Variants in FRY observed in about 807,000 individuals in gnomAD.
FRY encodes FRY microtubule binding protein, also known as protein furry homolog.
Under a neutral mutation model 348.4 loss-of-function variants are expected in FRY, and 128 were observed. The observed-to-expected ratio is 0.37, with a 90% CI of 0.32 to 0.43. The LOEUF is 0.43. Among genes scored for constraint, FRY ranks in the 20% least tolerant of loss-of-function variants. The pLI is 1.00. For synonymous variants in FRY, 1,370 were observed against 1,374.7 expected (o/e 1.00, Z 0.08); for missense variants, 2,736 against 3,695.2 (o/e 0.74, Z 6.73).
chr13:32,153,089 A>G (rs993185096), intron 14 of FRY, among the ~76,000 whole-genome samples: 1 of 152,192 alleles, frequency 6.6e-6, no homozygotes, highest in Admixed American at 6.5e-5. Flanking sequence ...AGAACCTCAT[A>G]CTATTCTAGT....
chr13:32,211,504 G>A (rs1359058605), intron 34 of FRY, among the ~76,000 whole-genome samples: 1 of 152,120 alleles, frequency 6.6e-6, no homozygotes, highest in Non-Finnish European at 1.5e-5. Context: ...TAGGGTTAAT[G>A]AAATGATCTT....
intron 1 of FRY, among the ~76,000 whole-genome samples, chr13:32,051,573 A>T (rs563120978): frequency 6.4e-4 from 98 of 152,362 alleles, no homozygotes; most frequent in African/African-American, 2.3e-3. Flanking sequence ...ATTCTGCTAT[A>T]GGAGTACTCT....
intron 7 of FRY, among the ~76,000 whole-genome samples, chr13:32,131,128 A>AT (rs1426752133): frequency 2.0e-5 from 3 of 152,308 alleles, no homozygotes; most frequent in East Asian, 1.9e-4. Flanking sequence ...CCATTACTAG[A>AT]TTTTTTAACC....
intron 30 of FRY, 54 bp from the exon 31 acceptor site, chr13:32,202,302 G>T: frequency 7.6e-7 from 1 of 1,316,918 alleles, no homozygotes; most frequent in South Asian, 1.2e-5. Context: ...ATGCTCATGA[G>T]ATATCCAGCT....
intron 17 of FRY, among the ~76,000 whole-genome samples, chr13:32,166,825 CA>C (rs1313817403): frequency 2.0e-5 from 3 of 152,172 alleles, no homozygotes; most frequent in African/African-American, 7.2e-5. Flanking sequence ...TTTTCTTCTA[CA>C]AACATTCCAC....
rs182808496 is a variant in FRY at position 32,237,674 on chromosome 13, C to T, written c.6106C>T (p.His2036Tyr). 6.8e-6 allele frequency: 11 copies of T among 1,614,210 alleles called. No individual in the cohort carries two copies. The East Asian group carries it at 2.2e-4, about 33-fold the overall frequency. Residue 2036 changes from histidine to tyrosine, a missense_variant, in exon 44 of 61, where the codon CAT becomes TAT. Physicochemically the swap from His to Tyr is moderately conservative, Grantham distance 83. This residue lies in a region of FRY where 789 missense variants were observed against 996.2 expected (regional missense o/e 0.79). Transcript: ENST00000542859. This position sits in a 1 kb window ranked among gnomAD's most constrained non-coding sequence, Gnocchi z 6.3. ...DSLTDPSHIN[H>Y]PTNLLATIFW... ...TCTCACGGACCCATCCCACATAAAC[C>T]ATCCCACCAACCTGCTGGCCACCAT...
At chr13:32,096,626 A>G (rs1381459986) in intron 2 of FRY, among the ~76,000 whole-genome samples, 1 of 151,998 alleles carries the variant, frequency 6.6e-6, no homozygotes, top group Admixed American at 6.6e-5. Flanking sequence ...CCCCATCTCT[A>G]CTAAAAATAC....
Position 32,239,696 on chromosome 13 carries a change from T to C in FRY, c.6517-15T>C. 6.3e-7 allele frequency: 1 copy of C among 1,584,738 alleles called. No individual in the cohort carries two copies. Among genetic ancestry groups the C allele is most frequent in the South Asian group, 1.1e-5 (1 of 90,430 alleles). On this transcript the variant is annotated splice_polypyrimidine_tract_variant and intron_variant, in intron 45 of 60. Coordinates refer to ENST00000542859, the MANE Select transcript of FRY (RefSeq NM_023037.3). The surrounding 1 kb of genome is among the most constrained non-coding windows in gnomAD (Gnocchi z 4.3). ...TGGGCTATTTTATTCCTAATTGATT[T>C]TTTTATTTTAAAAGGTTTGTTTAGA...
At chr13:32,073,759 G>T (rs192870995) in intron 1 of FRY, among the ~76,000 whole-genome samples, 5 of 152,202 alleles carry the variant, frequency 3.3e-5, no homozygotes, top group Admixed American at 3.3e-4. Flanking sequence ...AATGAAAGAT[G>T]GTATTACTTC....
At chr13:32,108,304 TA>T (rs1409956264) in intron 3 of FRY, among the ~76,000 whole-genome samples, 1 of 152,178 alleles carries the variant, frequency 6.6e-6, no homozygotes, top group Admixed American at 6.5e-5. Flanking sequence ...ATCAGGTGCC[TA>T]AAGCAGTAGA....
intron 11 of FRY, among the ~76,000 whole-genome samples, chr13:32,145,546 T>G (rs1253487816): frequency 4.8e-5 from 7 of 146,050 alleles, no homozygotes; most frequent in Admixed American, 6.7e-5. Flanking sequence ...TTTTTTTTTT[T>G]TTTTTTTTTG....
intron 55 of FRY, among the ~76,000 whole-genome samples, chr13:32,270,310 C>G (rs895133267): frequency 6.6e-6 from 1 of 151,424 alleles, no homozygotes; most frequent in African/African-American, 2.4e-5. Flanking sequence ...CAGGTTCAAG[C>G]GATTCTCCTG....
In FRY at chr13:32,068,952, G is replaced by C. The variant is rs1360321098; in HGVS notation, c.71-9882G>C. Among the ~76,000 whole-genome samples, 4 of 117,340 alleles carry C rather than the reference G, an allele frequency of 3.4e-5. No homozygotes were observed. The Admixed American group carries it at 5.1e-4, about 15-fold the overall frequency. 77.0% of individuals were successfully genotyped at this position (117,340 alleles called of 152,430 possible). On this transcript the variant is annotated intron_variant, in intron 1 of 60. Transcript: ENST00000542859. ...TTTTTTTGAGACTGAGTCTCGCTCT[G>C]TCGCCCAGGCTGGAGCGCAGTGGCC...
chr13:32,087,186 G>C (rs1875931759), intron 2 of FRY, among the ~76,000 whole-genome samples: 3 of 152,250 alleles, frequency 2.0e-5, no homozygotes, highest in African/African-American at 7.2e-5. Flanking sequence ...TCATGAATCT[G>C]TAATGAAATA....
intron 54 of FRY, 110 bp from the exon 55 acceptor site, chr13:32,267,060 G>A (rs1887958293): frequency 4.3e-6 from 4 of 932,330 alleles, no homozygotes; most frequent in African/African-American, 3.2e-5. Context: ...AAGGAAGAGT[G>A]GGTAGAATAG....
chr13:32,283,378 T>C (rs1888907341), intron 58 of FRY, among the ~76,000 whole-genome samples: 1 of 152,188 alleles, frequency 6.6e-6, no homozygotes, highest in Non-Finnish European at 1.5e-5. Flanking sequence ...CATCATGATG[T>C]TTGGCCTATT....
intron 58 of FRY, among the ~76,000 whole-genome samples, chr13:32,282,967 A>G (rs1690459071): frequency 6.6e-6 from 1 of 151,928 alleles, no homozygotes; most frequent in Non-Finnish European, 1.5e-5. Flanking sequence ...ATGGTGAAAT[A>G]CCATCTCTAC....
intron 11 of FRY, 64 bp downstream of exon 11, chr13:32,137,036 G>A (rs1566090952): frequency 2.2e-6 from 2 of 901,056 alleles, no homozygotes; most frequent in East Asian, 4.8e-5. Flanking sequence ...TAGGCTGGCT[G>A]ATGTGCTTCT....
At chr13:32,256,049 T>A (rs1024178150) in intron 51 of FRY, among the ~76,000 whole-genome samples, 4 of 152,172 alleles carry the variant, frequency 2.6e-5, no homozygotes, top group Non-Finnish European at 5.9e-5. Flanking sequence ...AGCTCACAAA[T>A]TTAGTTTCTA....
Sources: gnomAD v4.1 joint callset for allele counts (sites outside exome capture counted in the v4.1 genomes callset) on GRCh38, gnomAD v4.1.1 for gene constraint, gnomAD v4.1.1 regional missense constraint, Gnocchi (gnomAD v3.1) non-coding constraint, MANE v1.5 for transcripts, NCBI Gene and HGNC (gene_info 2026-07-23, HGNC 2026-07-21) for gene names.